The following TNFRSF19 variants were observed in gnomAD, a reference collection of about 807,000 sequenced individuals.
TNFRSF19 encodes the protein tumor necrosis factor receptor superfamily member 19.
TNFRSF19 carries 27 observed loss-of-function variants against 46.4 expected under a neutral mutation model. That is an observed-to-expected ratio of 0.58 (90% CI 0.43 to 0.80). The LOEUF is 0.80. Among genes scored for constraint, TNFRSF19 ranks in the 30% least tolerant of loss-of-function variants. The pLI, the probability that TNFRSF19 is intolerant of heterozygous loss-of-function variation, is 0.00. For synonymous variants in TNFRSF19, 204 were observed against 205.0 expected (o/e 1.00, Z 0.04); for missense variants, 511 against 530.8 (o/e 0.96, Z 0.37).
chr13:23,647,309 T>A (rs1883391183), intron 5 of TNFRSF19, among the ~76,000 whole-genome samples: 1 of 152,210 alleles, frequency 6.6e-6, no homozygotes, highest in Non-Finnish European at 1.5e-5. Flanking sequence ...TCTATTGTTT[T>A]CTTCTGTTTT....
chr13:23,600,248 A>G (rs1191682422), intron 3 of TNFRSF19, among the ~76,000 whole-genome samples: 1 of 152,208 alleles, frequency 6.6e-6, no homozygotes, highest in Admixed American at 6.5e-5. Flanking sequence ...AAAAAGCTGA[A>G]CAAACTGAAA....
intron 1 of TNFRSF19, among the ~76,000 whole-genome samples, chr13:23,581,455 C>A (rs1423167325): frequency 6.6e-6 from 1 of 152,136 alleles, no homozygotes; most frequent in African/African-American, 2.4e-5. Flanking sequence ...CGTCGATGTG[C>A]CTTTTCTATC....
chr13:23,585,354 A>G (rs1324433050), intron 1 of TNFRSF19: 1 of 152,226 alleles, frequency 6.6e-6, no homozygotes, highest in Non-Finnish European at 1.5e-5. Flanking sequence ...CAAAGCACAT[A>G]TGTTTTCGTC....
At chr13:23,598,792 A>G (rs562888244) in intron 3 of TNFRSF19, among the ~76,000 whole-genome samples, 1 of 152,318 alleles carries the variant, frequency 6.6e-6, no homozygotes, top group South Asian at 2.1e-4. Flanking sequence ...TGAAGATGTT[A>G]CTAGTTGTGG....
intron 5 of TNFRSF19, among the ~76,000 whole-genome samples, chr13:23,632,868 G>A (rs1162141408): frequency 2.0e-5 from 3 of 152,182 alleles, no homozygotes; most frequent in African/African-American, 7.2e-5. Context: ...AGAGATGGAG[G>A]CAGCCAGAAG....
chr13:23,620,678 T>C (rs964823932), intron 4 of TNFRSF19, among the ~76,000 whole-genome samples: 1 of 152,218 alleles, frequency 6.6e-6, no homozygotes, highest in South Asian at 2.1e-4. Flanking sequence ...TTGGACATTA[T>C]TGCCAATTGA....
At chr13:23,617,014 C>T (rs776864747) in intron 4 of TNFRSF19, among the ~76,000 whole-genome samples, 31 of 152,094 alleles carry the variant, frequency 2.0e-4, no homozygotes, top group Admixed American at 4.6e-4. Context: ...CAGTGAGGGG[C>T]AGGACAGTGA....
chr13:23,574,856 T>C (rs905613329), intron 1 of TNFRSF19, among the ~76,000 whole-genome samples: 3 of 152,214 alleles, frequency 2.0e-5, no homozygotes, highest in South Asian at 2.1e-4. Flanking sequence ...ACCCACCCAC[T>C]TGCCAAAATC....
intron 3 of TNFRSF19, among the ~76,000 whole-genome samples, chr13:23,601,310 A>G (rs1464956727): frequency 6.6e-6 from 1 of 152,220 alleles, no homozygotes; most frequent in Non-Finnish European, 1.5e-5. Flanking sequence ...TTACTCAGAA[A>G]TCATGCAAGG....
intron 1 of TNFRSF19, among the ~76,000 whole-genome samples, chr13:23,581,132 CT>C (rs746641461): frequency 7.7e-4 from 111 of 143,600 alleles, no homozygotes; most frequent in Admixed American, 9.0e-4. Context: ...TTTTTCTTTT[CT>C]TTTTTTTTTT....
Position 23,626,714 on chromosome 13 carries a change from A to G in TNFRSF19, c.367A>G (p.Arg123Gly). Residue 123 changes from arginine (R) to glycine (G), a missense_variant, in exon 5 of 10, where the codon AGG becomes GGG. Around this residue, in one of 3 missense-constraint regions of TNFRSF19, gnomAD observed 14 missense variants for 34.1 expected, o/e 0.41. Coordinates refer to ENST00000248484, the MANE Select transcript of TNFRSF19 (RefSeq NM_148957.4). ...TTTTCCTTTCTCTTCTAGATTTTAT[A>G]GGAAGACGAAACTTGTCGGCTTTCA... ...ICGDCLPGFY[R>G]KTKLVGFQDM... 1 of 1,614,094 alleles carries G rather than the reference A, an allele frequency of 6.2e-7. No individual in the cohort carries two copies. The highest frequency in any genetic ancestry group is 8.5e-7 in the Non-Finnish European group (1 of 1,179,970).
At chr13:23,652,991 A>C (rs1359622231) in intron 5 of TNFRSF19, among the ~76,000 whole-genome samples, 1 of 152,220 alleles carries the variant, frequency 6.6e-6, no homozygotes, top group Admixed American at 6.5e-5. Context: ...ACCCAGAAAT[A>C]TCGTGGCCTA....
intron 5 of TNFRSF19, among the ~76,000 whole-genome samples, chr13:23,649,223 A>G (rs1252571421): frequency 3.3e-5 from 5 of 152,146 alleles, no homozygotes; most frequent in Non-Finnish European, 5.9e-5. Flanking sequence ...TTTTTCAGGA[A>G]GTATTTGATT....
Position 23,615,962 on chromosome 13 carries a change from T to C in TNFRSF19, c.276T>C (p.Cys92=). The change falls in exon 4 of 10, where the codon TGT becomes TGC. Residue 92 remains cysteine (C), a synonymous_variant. Coordinates refer to ENST00000248484, the MANE Select transcript of TNFRSF19 (RefSeq NM_148957.4). ...GGGGCTTCCAGAAATGCAAGCCCTG[T>C]CTGGACTGCGCAGTGGTGAACCGCT... ...EDWGFQKCKP[C]LDCAVVNRFQ... The C allele has an allele frequency of 6.2e-7, 1 of 1,614,080 alleles. No individual in the cohort carries two copies. The highest frequency in any genetic ancestry group is 8.5e-7 in the Non-Finnish European group (1 of 1,179,940).
chr13:23,657,021 T>C (rs1304436991), intron 5 of TNFRSF19, among the ~76,000 whole-genome samples: 1 of 152,220 alleles, frequency 6.6e-6, no homozygotes, highest in African/African-American at 2.4e-5. Flanking sequence ...CGTTTGCTTA[T>C]TATAGTGTTC....
At chr13:23,670,130 T>C (rs971246345) in intron 9 of TNFRSF19, among the ~76,000 whole-genome samples, 1 of 152,242 alleles carries the variant, frequency 6.6e-6, no homozygotes, top group Admixed American at 6.5e-5. Flanking sequence ...TGAACGCTGA[T>C]ATGTTCCTTT....
chr13:23,664,926 C>T (rs1951595302), intron 7 of TNFRSF19, among the ~76,000 whole-genome samples: 1 of 152,176 alleles, frequency 6.6e-6, no homozygotes, highest in South Asian at 2.1e-4. Context: ...TTATAAACTT[C>T]CAGGACCACT....
chr13:23,632,470 C>T (rs1166479192), intron 5 of TNFRSF19, among the ~76,000 whole-genome samples: 1 of 152,174 alleles, frequency 6.6e-6, no homozygotes, highest in African/African-American at 2.4e-5. Context: ...CTGGGAGGTT[C>T]AAAGCAGGGA....
chr13:23,574,972 T>C (rs773298461), intron 1 of TNFRSF19, among the ~76,000 whole-genome samples: 2 of 152,236 alleles, frequency 1.3e-5, no homozygotes, highest in Non-Finnish European at 2.9e-5. Flanking sequence ...GGGTTTCCAA[T>C]GACTTCATAA....
Sources: allele counts gnomAD v4.1 joint callset (sites outside exome capture counted in the v4.1 genomes callset), GRCh38; gene constraint gnomAD v4.1.1; regional missense constraint gnomAD v4.1.1; transcripts MANE v1.5; gene names NCBI Gene and HGNC (gene_info 2026-07-23, HGNC 2026-07-21).